The following NAA60 variants were observed in gnomAD, a reference collection of about 807,000 sequenced individuals.
NAA60 encodes N-alpha-acetyltransferase 60.
Under a neutral mutation model 26.1 loss-of-function variants are expected in NAA60, and 8 were observed. The ratio of observed to expected loss-of-function variants is 0.31; its 90% confidence interval spans 0.18 to 0.55. The LOEUF (loss-of-function observed/expected upper bound fraction) is 0.55. Ranked by LOEUF, NAA60 falls within the 20% of genes least tolerant of loss-of-function variation. The pLI, the probability that NAA60 is intolerant of heterozygous loss-of-function variation, is 0.93. For missense variants in NAA60, 290 were observed against 311.3 expected (o/e 0.93, Z 0.51); for synonymous variants, 131 against 122.5 (o/e 1.07, Z -0.46).
At chr16:3,447,614 G>C (rs2034606818) in intron 1 of NAA60, 1 of 985,212 alleles carries the variant, frequency 1.0e-6, no homozygotes, top group Non-Finnish European at 1.2e-6. Context: ...ACACTAAGGG[G>C]GCCTAGGTAA....
intron 2 of NAA60, among the ~76,000 whole-genome samples, chr16:3,461,382 C>T (rs750825555): frequency 1.3e-5 from 2 of 152,078 alleles, no homozygotes; most frequent in Non-Finnish European, 2.9e-5. Context: ...GTGCCAGTCA[C>T]CCCAAGGTGC....
At chr16:3,482,970 A>G (rs952918722) in intron 5 of NAA60, 4 of 465,350 alleles carry the variant, frequency 8.6e-6, no homozygotes, top group African/African-American at 7.8e-5. Flanking sequence ...AGGAAGCAAC[A>G]CTCACCGTTT....
rs376769954 is a variant in NAA60, at chr16:3,460,592, C to A, written c.-7+12052C>A. Among the ~76,000 whole-genome samples the A allele has an allele frequency of 1.2e-4, 19 of 152,296 alleles. No individual in the cohort carries two copies. The East Asian group carries it at 3.7e-3, about 29-fold the overall frequency. ...TGTTGGCCAGGCTGGTCTTGAACTC[C>A]TGACCTCAAGTGATCCGCCGCCTCA... On this transcript the variant is annotated intron_variant, in intron 2 of 7. Transcript: ENST00000407558.
chr16:3,453,400 T>C (rs922495065), intron 2 of NAA60, among the ~76,000 whole-genome samples: 1 of 151,618 alleles, frequency 6.6e-6, no homozygotes, highest in Non-Finnish European at 1.5e-5. Flanking sequence ...TCTCCAATAA[T>C]GAAATCATGA....
intron 2 of NAA60, chr16:3,462,698 A>G (rs970935261): frequency 6.6e-6 from 1 of 152,160 alleles, no homozygotes. Context: ...GCCCTCTTCT[A>G]TTAAGAAAAG....
intron 3 of NAA60, among the ~76,000 whole-genome samples, chr16:3,478,544 C>T (rs962153808): frequency 6.6e-6 from 1 of 152,200 alleles, no homozygotes; most frequent in Non-Finnish European, 1.5e-5. Context: ...CCTTGTCTCT[C>T]TGGGGCTGGG....
At chr16:3,478,685 T>G (rs1296507519) in intron 3 of NAA60, among the ~76,000 whole-genome samples, 1 of 152,150 alleles carries the variant, frequency 6.6e-6, no homozygotes, top group Non-Finnish European at 1.5e-5. Flanking sequence ...CACATTCCCC[T>G]TAAGGGCGGG....
rs1483223291 is a variant in NAA60, at chr16:3,485,692, A to G, written c.*432A>G. On this transcript the variant is annotated 3_prime_UTR_variant, in exon 8 of 8. Coordinates refer to ENST00000407558, the MANE Select transcript of NAA60 (RefSeq NM_001083601.3). Reference sequence around the variant, plus strand: ...GGAGGAACGCAAGTATTATGGACACACTTGACCGTAAAGGCACAGGAGCCT... The same window carrying G: ...GGAGGAACGCAAGTATTATGGACACGCTTGACCGTAAAGGCACAGGAGCCT... 2.2e-6 allele frequency: 1 copy of G among 456,562 alleles called. No individual in the cohort carries two copies. The highest frequency in any genetic ancestry group is 1.5e-5 in the South Asian group (1 of 64,574). 28.3% of individuals were successfully genotyped at this position (456,562 alleles called of 1,614,324 possible).
intron 2 of NAA60, among the ~76,000 whole-genome samples, chr16:3,463,132 G>C (rs2035518161): frequency 6.6e-6 from 1 of 152,110 alleles, no homozygotes; most frequent in South Asian, 2.1e-4. Context: ...CAGAGTTTCA[G>C]AGTCAGCGCT....
At chr16:3,470,674 G>A (rs1018911010) in intron 2 of NAA60, among the ~76,000 whole-genome samples, 2 of 152,252 alleles carry the variant, frequency 1.3e-5, no homozygotes, top group Non-Finnish European at 2.9e-5. Flanking sequence ...GTGGGGTTGG[G>A]GGGGGCCGCT....
chr16:3,457,090 C>G (rs969091009), intron 2 of NAA60, among the ~76,000 whole-genome samples: 2 of 152,172 alleles, frequency 1.3e-5, no homozygotes, highest in African/African-American at 4.8e-5. Flanking sequence ...CCACACCCAG[C>G]CAAGACTCGA....
intron 2 of NAA60, among the ~76,000 whole-genome samples, chr16:3,461,090 C>G (rs1051071603): frequency 2.0e-5 from 3 of 152,116 alleles, no homozygotes; most frequent in African/African-American, 7.2e-5. Context: ...AGCATGACCT[C>G]TGATAGGAGG....
At chr16:3,456,724 A>G (rs1439577255) in intron 2 of NAA60, 1 of 152,060 alleles carries the variant, frequency 6.6e-6, no homozygotes, top group Admixed American at 6.6e-5. Flanking sequence ...TAAAGCAGTT[A>G]TTTTTTAAAA....
chr16:3,445,876 G>A (rs1477877133), intron 1 of NAA60, among the ~76,000 whole-genome samples: 6 of 152,178 alleles, frequency 3.9e-5, no homozygotes, highest in Admixed American at 6.5e-5. Context: ...GAAGGAGGAA[G>A]CTTGAAAGCT....
chr16:3,474,745 C>T (rs536442263), intron 2 of NAA60, among the ~76,000 whole-genome samples: 6 of 152,222 alleles, frequency 3.9e-5, no homozygotes, highest in East Asian at 1.9e-4. Context: ...GCGGATTTCA[C>T]GGCCTTTCCT....
At chr16:3,459,414 A>G (rs375884726) in intron 2 of NAA60, among the ~76,000 whole-genome samples, 1 of 152,232 alleles carries the variant, frequency 6.6e-6, no homozygotes, top group African/African-American at 2.4e-5. Context: ...AAATACACAC[A>G]TATCAGTGAA....
At chr16:3,476,200 T>C (rs779805689) in intron 2 of NAA60, 22 bp from the exon 3 acceptor site, 2 of 1,540,770 alleles carry the variant, frequency 1.3e-6, no homozygotes, top group African/African-American at 1.4e-5. Context: ...AGGTGACGCG[T>C]CCCCCCCACC....
At chr16:3,476,870 C>T (rs537716537) in intron 3 of NAA60, among the ~76,000 whole-genome samples, 6 of 152,100 alleles carry the variant, frequency 3.9e-5, no homozygotes, top group African/African-American at 1.2e-4. Context: ...GGAGAAACCC[C>T]GTCTCTACTA....
chr16:3,454,457 A>G (rs1304602172), intron 2 of NAA60, among the ~76,000 whole-genome samples: 1 of 152,234 alleles, frequency 6.6e-6, no homozygotes, highest in Non-Finnish European at 1.5e-5. Flanking sequence ...CTCATAAATA[A>G]GGAGTTCTGG....
Sources: gnomAD v4.1 joint callset for allele counts (sites outside exome capture counted in the v4.1 genomes callset) on GRCh38, gnomAD v4.1.1 for gene constraint, MANE v1.5 for transcripts, NCBI Gene and HGNC (gene_info 2026-07-23, HGNC 2026-07-21) for gene names.